ADARB1: variants seen among roughly 807,000 people sequenced by gnomAD.
ADARB1 encodes the protein adenosine deaminase RNA specific B1.
ADARB1 carries 10 observed loss-of-function variants against 52.4 expected under a neutral mutation model. The observed-to-expected ratio is 0.19, with a 90% confidence interval of 0.12 to 0.32. ADARB1 has a LOEUF of 0.32. Ranked by LOEUF, ADARB1 falls within the 10% of genes least tolerant of loss-of-function variation. The pLI is 1.00. For missense variants in ADARB1, 643 were observed against 922.3 expected (o/e 0.70, Z 3.92); for synonymous variants, 349 against 371.1 (o/e 0.94, Z 0.68).
At chr21:45,113,402 G>A (rs1486305671) in intron 1 of ADARB1, among the ~76,000 whole-genome samples, 2 of 151,924 alleles carry the variant, frequency 1.3e-5, no homozygotes, top group African/African-American at 4.8e-5. Flanking sequence ...CAGCCTGGGC[G>A]ACAGAGCAAG....
intron 1 of ADARB1, among the ~76,000 whole-genome samples, chr21:45,098,149 A>C (rs894765992): frequency 5.3e-5 from 8 of 152,078 alleles, no homozygotes; most frequent in Admixed American, 3.3e-4. Flanking sequence ...CCTGCTGTCC[A>C]GCAGCTGGCA....
chr21:45,086,750 A>G (rs945424264), intron 1 of ADARB1, among the ~76,000 whole-genome samples: 1 of 152,198 alleles, frequency 6.6e-6, no homozygotes, highest in East Asian at 1.9e-4. Flanking sequence ...TCTGGCTATT[A>G]TGAATCACGT....
intron 8 of ADARB1, among the ~76,000 whole-genome samples, chr21:45,187,723 G>C (rs2092154792): frequency 1.3e-5 from 2 of 152,086 alleles, no homozygotes; most frequent in African/African-American, 2.4e-5. Context: ...TTATTATTAA[G>C]AAAGGGTGTT....
At chr21:45,147,933 A>G (rs1024713739) in intron 2 of ADARB1, among the ~76,000 whole-genome samples, 14 of 151,938 alleles carry the variant, frequency 9.2e-5, no homozygotes, top group African/African-American at 3.1e-4. Context: ...AGAGAGCAAG[A>G]GGCTGCCGCG....
chr21:45,224,167 G>A lies in ADARB1; in HGVS notation c.*1970G>A, dbSNP rs1358068474. On this transcript the variant is annotated 3_prime_UTR_variant, in exon 11 of 11. Coordinates refer to ENST00000348831, the MANE Select transcript of ADARB1 (RefSeq NM_001112.4). The stretch of plus-strand genomic sequence containing the variant: ...ATTGTATTTTTTTCTAATGGGGATT[G>A]GGAGATGGACTTCGTTTTTAAAAAT... The A allele has an allele frequency of 3.0e-6, 3 of 985,462 alleles. No homozygotes were observed. Among genetic ancestry groups the A allele is most frequent in the South Asian group, 9.4e-5 (2 of 21,280 alleles). The allele number at this position is 985,462 out of a possible 1,614,324, so 61.0% of individuals were successfully genotyped here.
At chr21:45,098,272 C>T (rs1008713539) in intron 1 of ADARB1, among the ~76,000 whole-genome samples, 4 of 151,744 alleles carry the variant, frequency 2.6e-5, no homozygotes, top group South Asian at 4.2e-4. Flanking sequence ...CCATCTGTCT[C>T]CAGATCCCTT....
intron 1 of ADARB1, among the ~76,000 whole-genome samples, chr21:45,087,297 ACT>A (rs2086384008): frequency 6.6e-6 from 1 of 152,056 alleles, no homozygotes; most frequent in African/African-American, 2.4e-5. Flanking sequence ...GGTTGAGTAA[ACT>A]CTAGTACAGC....
intron 1 of ADARB1, chr21:45,100,634 T>G (rs2086959774): frequency 6.6e-6 from 1 of 152,274 alleles, no homozygotes; most frequent in Admixed American, 6.5e-5. Context: ...CTTCATGGAA[T>G]CCCTGGAGGT....
At chr21:45,092,086 G>C (rs138999982) in intron 1 of ADARB1, among the ~76,000 whole-genome samples, 9 of 152,210 alleles carry the variant, frequency 5.9e-5, no homozygotes, top group East Asian at 3.9e-4. Context: ...TGTGTGACAG[G>C]CACAGTGGGA....
At chr21:45,097,787 G>A (rs1479928441) in intron 1 of ADARB1, among the ~76,000 whole-genome samples, 6 of 152,122 alleles carry the variant, frequency 3.9e-5, no homozygotes, top group Non-Finnish European at 7.4e-5. Flanking sequence ...TTGGGTGGAA[G>A]CAATTCCAGA....
chr21:45,160,524 T>G (rs374778), intron 2 of ADARB1, among the ~76,000 whole-genome samples: 99,378 of 152,166 alleles, frequency 0.65, 33,010 homozygotes, highest in African/African-American at 0.78. Flanking sequence ...GATGATTGTG[T>G]TTTTTAAAAT....
chr21:45,199,845 A>C (rs557387507), intron 8 of ADARB1, among the ~76,000 whole-genome samples: 1 of 152,200 alleles, frequency 6.6e-6, no homozygotes, highest in South Asian at 2.1e-4. Context: ...AAAGCCATCC[A>C]TTTGGAGGAT....
intron 2 of ADARB1, among the ~76,000 whole-genome samples, chr21:45,130,005 C>A (rs1292934142): frequency 6.6e-6 from 1 of 152,160 alleles, no homozygotes; most frequent in Non-Finnish European, 1.5e-5. Flanking sequence ...AATCAGGTCA[C>A]CTTTATCATG....
chr21:45,205,461 G>T (rs892963202), intron 9 of ADARB1, among the ~76,000 whole-genome samples: 1 of 152,088 alleles, frequency 6.6e-6, no homozygotes, highest in Non-Finnish European at 1.5e-5. Flanking sequence ...GGACGTTTAC[G>T]CTGTCTTAGA....
chr21:45,096,115 A>T (rs1313054148), intron 1 of ADARB1, among the ~76,000 whole-genome samples: 1 of 152,244 alleles, frequency 6.6e-6, no homozygotes. Flanking sequence ...CAAACTTCCC[A>T]CCTAGTAACG....
chr21:45,198,178 A>T (rs1427234561), intron 8 of ADARB1, among the ~76,000 whole-genome samples: 1 of 152,240 alleles, frequency 6.6e-6, no homozygotes, highest in Non-Finnish European at 1.5e-5. Flanking sequence ...TAGTTTTGTA[A>T]GCAACAAAGA....
At chr21:45,203,880 C>G (rs989587885) in intron 8 of ADARB1, among the ~76,000 whole-genome samples, 1 of 152,116 alleles carries the variant, frequency 6.6e-6, no homozygotes, top group Admixed American at 6.5e-5. Context: ...AGTACTGAAC[C>G]CTGTACGTGC....
intron 8 of ADARB1, 139 bp downstream of exon 8, chr21:45,185,230 C>G: frequency 8.4e-7 from 1 of 1,189,706 alleles, no homozygotes; most frequent in Admixed American, 2.4e-5. Flanking sequence ...CTTTGAAGGA[C>G]TGAGGTTCTA....
At chr21:45,130,933 C>T (rs1314467558) in intron 2 of ADARB1, among the ~76,000 whole-genome samples, 3 of 152,124 alleles carry the variant, frequency 2.0e-5, no homozygotes, top group Non-Finnish European at 2.9e-5. Context: ...AGGAGGGCTT[C>T]GGGAAACCTT....
Sources: gnomAD v4.1 joint callset for allele counts (sites outside exome capture counted in the v4.1 genomes callset) on GRCh38, gnomAD v4.1.1 for gene constraint, MANE v1.5 for transcripts, NCBI Gene and HGNC (gene_info 2026-07-23, HGNC 2026-07-21) for gene names.